The following ARHGAP29 variants were observed in gnomAD, a reference collection of about 807,000 sequenced individuals.
The protein encoded by ARHGAP29 is Rho GTPase activating protein 29.
Under a neutral mutation model 122.6 loss-of-function variants are expected in ARHGAP29, and 43 were observed. The ratio of observed to expected loss-of-function variants is 0.35; its 90% confidence interval spans 0.27 to 0.45. ARHGAP29 has a LOEUF of 0.45. ARHGAP29 is among the 20% of genes least tolerant of loss of function. ARHGAP29 has a pLI of 1.00. For synonymous variants in ARHGAP29, 506 were observed against 497.1 expected, an observed-to-expected ratio of 1.02 and a Z score of -0.24; for missense variants, 1,303 against 1,477.2, an observed-to-expected ratio of 0.88 and a Z score of 1.93.
At chr1:94,201,556 A>G (rs1459532438) in intron 12 of ARHGAP29, among the ~76,000 whole-genome samples, 164 bp downstream of exon 12, 1 of 136,450 alleles carries the variant, frequency 7.3e-6, no homozygotes, top group East Asian at 2.1e-4. Context: ...CACCCACTCT[A>G]GAGTGGGTAA....
intron 3 of ARHGAP29, among the ~76,000 whole-genome samples, chr1:94,215,321 A>G (rs926675417): frequency 1.1e-4 from 16 of 151,870 alleles, no homozygotes; most frequent in African/African-American, 3.9e-4. Context: ...AAACAAAACA[A>G]AACAAAAAAA....
intron 3 of ARHGAP29, among the ~76,000 whole-genome samples, chr1:94,211,189 A>C (rs973581575): frequency 1.4e-5 from 2 of 146,654 alleles, no homozygotes; most frequent in African/African-American, 5.0e-5. Flanking sequence ...GGGAAGGTTG[A>C]GGCATGAGAA....
intron 3 of ARHGAP29, among the ~76,000 whole-genome samples, chr1:94,219,950 T>G (rs547691569): frequency 1.3e-5 from 2 of 152,336 alleles, no homozygotes; most frequent in African/African-American, 4.8e-5. Context: ...AAAGACTTCT[T>G]GTACACCAAT....
chr1:94,308,265 C>A, the ARHGAP29 span, among the ~76,000 whole-genome samples: 4 of 152,098 alleles, frequency 2.6e-5, no homozygotes, highest in Non-Finnish European at 5.9e-5. Flanking sequence ...CAAAAGCCCC[C>A]AAAACACTAG....
At chr1:94,209,201 C>A (rs1294060099) in intron 4 of ARHGAP29, 53 bp downstream of exon 4, 5 of 1,260,180 alleles carry the variant, frequency 4.0e-6, no homozygotes, top group Non-Finnish European at 1.1e-6. Flanking sequence ...ATGCAACATA[C>A]TCTCACTAAG....
chr1:94,266,755 G>A (rs187744690), intron 1 of ARHGAP29, among the ~76,000 whole-genome samples: 17 of 152,260 alleles, frequency 1.1e-4, no homozygotes, highest in Admixed American at 9.8e-4. Flanking sequence ...TAGCACTGAA[G>A]TTTTCCATCC....
At chr1:94,302,480 GC>G in the ARHGAP29 span, 52 of 352,284 alleles carry the variant, frequency 1.5e-4, no homozygotes, top group Non-Finnish European at 2.6e-4. Context: ...TGCACCACCA[GC>G]TGCCTAACCT....
chr1:94,253,640 G>GCACGCACGCACA (rs1186622611), intron 1 of ARHGAP29, among the ~76,000 whole-genome samples: 2 of 93,866 alleles, frequency 2.1e-5, no homozygotes, highest in African/African-American at 1.1e-4. Flanking sequence ...GAACACACAC[G>GCACGCACGCACA]CACGCACGCA....
At chr1:94,256,077 C>G (rs1570612126) in intron 1 of ARHGAP29, among the ~76,000 whole-genome samples, 1 of 152,098 alleles carries the variant, frequency 6.6e-6, no homozygotes, top group African/African-American at 2.4e-5. Context: ...TACTAAGAAA[C>G]CTGTATCTCA....
At chr1:94,212,618 T>C (rs1167341505) in intron 3 of ARHGAP29, among the ~76,000 whole-genome samples, 2 of 152,106 alleles carry the variant, frequency 1.3e-5, no homozygotes, top group Non-Finnish European at 2.9e-5. Flanking sequence ...GACTGGGAGA[T>C]TAAAAAATAA....
intron 19 of ARHGAP29, among the ~76,000 whole-genome samples, chr1:94,181,382 T>C (rs1374139462): frequency 6.6e-6 from 1 of 152,132 alleles, no homozygotes; most frequent in Non-Finnish European, 1.5e-5. Context: ...AGTCTCTGGA[T>C]GGGCAATGTC....
chr1:94,220,682 T>C lies in ARHGAP29; in HGVS notation c.206-290A>G, dbSNP rs566864353. ...CTTAATATGTGCTCCAGACTTCCCT[T>C]GAGCCAACTTTATAAGGTAAGTTTT... On this transcript the variant is annotated intron_variant, in intron 2 of 22. Transcript: ENST00000260526. Among the ~76,000 whole-genome samples the C allele has an allele frequency of 5.3e-5, 8 of 152,274 alleles. 1 individual carries two copies. In the East Asian group the frequency reaches 9.6e-4, roughly 18 times the overall value.
upstream of ARHGAP29, among the ~76,000 whole-genome samples, chr1:94,241,671 A>G (rs1410809403): frequency 6.9e-6 from 1 of 144,492 alleles, no homozygotes; most frequent in East Asian, 2.0e-4. Context: ...ATATAATTAT[A>G]TATGATATAT....
chr1:94,227,667 A>G (rs761902864), intron 2 of ARHGAP29, among the ~76,000 whole-genome samples: 4 of 151,774 alleles, frequency 2.6e-5, no homozygotes, highest in Non-Finnish European at 5.9e-5. Flanking sequence ...GTGATATTCC[A>G]CATGAAAATG....
At chr1:94,311,485 G>A in the ARHGAP29 span, among the ~76,000 whole-genome samples, 3 of 152,118 alleles carry the variant, frequency 2.0e-5, no homozygotes, top group South Asian at 2.1e-4. Flanking sequence ...ATGCTTGTCA[G>A]ATCAAATAAA....
At chr1:94,280,235 G>T in the ARHGAP29 span, among the ~76,000 whole-genome samples, 2 of 151,976 alleles carry the variant, frequency 1.3e-5, no homozygotes, top group African/African-American at 4.8e-5. Context: ...GAGATCCCTG[G>T]AAGCCTCCAA....
chr1:94,304,340 A>G, the ARHGAP29 span, among the ~76,000 whole-genome samples: 1 of 152,202 alleles, frequency 6.6e-6, no homozygotes, highest in East Asian at 1.9e-4. Flanking sequence ...GAATCGCACT[A>G]TGTGGCCCAG....
At chr1:94,239,659 TAAAAG>T (rs1653501285), upstream of ARHGAP29, among the ~76,000 whole-genome samples, 1 of 140,888 alleles carries the variant, frequency 7.1e-6, no homozygotes, top group Non-Finnish European at 1.5e-5. Flanking sequence ...ATAAGGAAGA[TAAAAG>T]AGACAAACAG....
At chr1:94,182,580 A>G (rs1330859) in intron 19 of ARHGAP29, among the ~76,000 whole-genome samples, 148,545 of 152,088 alleles carry the variant, frequency 0.98, 72,660 homozygotes, top group Middle Eastern at 1. Context: ...CACATACAAG[A>G]AGTTAGAAAT....
Sources: gnomAD v4.1 joint callset for allele counts (sites outside exome capture counted in the v4.1 genomes callset) on GRCh38, gnomAD v4.1.1 for gene constraint, MANE v1.5 for transcripts, NCBI Gene and HGNC (gene_info 2026-07-23, HGNC 2026-07-21) for gene names.